Variants in RBM25 observed in about 807,000 individuals in gnomAD.
The protein encoded by RBM25 is RNA-binding protein 25.
RBM25 carries 19 observed loss-of-function variants against 120.7 expected under a neutral mutation model. The ratio of observed to expected loss-of-function variants is 0.16; its 90% CI spans 0.11 to 0.23. The LOEUF is 0.23. Among genes scored for constraint, RBM25 ranks in the 10% least tolerant of loss-of-function variants. The pLI is 1.00. For synonymous variants in RBM25, 390 were observed against 326.7 expected, an observed-to-expected ratio of 1.19 and a Z score of -2.09; for missense variants, 605 against 1,041.5, an observed-to-expected ratio of 0.58 and a Z score of 5.77.
chr14:73,080,103 C>T (rs1010186383), intron 4 of RBM25, among the ~76,000 whole-genome samples: 1 of 149,850 alleles, frequency 6.7e-6, no homozygotes, highest in African/African-American at 2.4e-5. Context: ...ATAGAAGTGC[C>T]GTTTCTGAGT....
At chr14:73,092,051 A>G (rs1341889823) in intron 6 of RBM25, among the ~76,000 whole-genome samples, 2 of 152,142 alleles carry the variant, frequency 1.3e-5, no homozygotes, top group Non-Finnish European at 2.9e-5. Flanking sequence ...TAGGATAAAC[A>G]TGGCATATTT....
At chr14:73,111,468 G>C in intron 15 of RBM25, 60 bp from the exon 16 acceptor site, 1 of 1,488,686 alleles carries the variant, frequency 6.7e-7, no homozygotes, top group Middle Eastern at 1.8e-4. Context: ...GGGATGGTGG[G>C]TTATAAAATG....
intron 7 of RBM25, 45 bp downstream of exon 7, chr14:73,097,145 TATG>T (rs1301273991): frequency 3.5e-6 from 5 of 1,443,142 alleles, no homozygotes; most frequent in Non-Finnish European, 4.7e-6. Flanking sequence ...GTTTGTTTTT[TATG>T]ATATCACTCT....
Position 73,105,928 on chromosome 14 carries a change from ACGAGAACGGGAG to A in RBM25, c.1230_1241del (p.Arg423_Glu426del), listed in dbSNP as rs1246885977. On this transcript the variant is annotated inframe_deletion, in exon 11 of 19. Transcript: ENST00000261973. Reference sequence around the variant, plus strand: ...AGAGAGAGAGAGAACGAGAGCGAGAACGAGAACGGGAGCGAGAGAGAGAGCGAGAGAGGGAAC... The same window carrying A: ...AGAGAGAGAGAGAACGAGAGCGAGAACGAGAGAGAGAGCGAGAGAGGGAAC... The A allele has an allele frequency of 6.2e-7, 1 of 1,612,390 alleles. No individual in the cohort carries two copies. Among genetic ancestry groups the A allele is most frequent in the South Asian group, 1.1e-5 (1 of 90,856 alleles).
intron 10 of RBM25, among the ~76,000 whole-genome samples, chr14:73,105,038 TACAC>T (rs57281649): frequency 0.13 from 18,673 of 141,164 alleles, 1,744 homozygotes; most frequent in East Asian, 0.41. Flanking sequence ...ACATATTAAA[TACAC>T]ACACACACAC....
chr14:73,067,354 A>G (rs904029487), intron 1 of RBM25, among the ~76,000 whole-genome samples: 3 of 152,170 alleles, frequency 2.0e-5, no homozygotes, highest in Admixed American at 6.5e-5. Context: ...AGTGGAGCCA[A>G]CTGTTAATGT....
At chr14:73,107,271 G>A (rs904139352) in intron 12 of RBM25, 4 of 152,588 alleles carry the variant, frequency 2.6e-5, no homozygotes, top group African/African-American at 7.2e-5. Flanking sequence ...TTACAGATGC[G>A]TCCTCATTCA....
chr14:73,059,140 T>A (rs1894938292), intron 1 of RBM25: 1 of 152,190 alleles, frequency 6.6e-6, no homozygotes, highest in Non-Finnish European at 1.5e-5. Flanking sequence ...AGCCGTTGCC[T>A]TGAAGTTAGC....
intron 6 of RBM25, among the ~76,000 whole-genome samples, chr14:73,095,848 C>G (rs751883628): frequency 6.6e-6 from 1 of 152,052 alleles, no homozygotes; most frequent in Admixed American, 6.6e-5. Flanking sequence ...AAAATGTGCA[C>G]GGTATATGTT....
At chr14:73,062,319 T>C (rs1024299508) in intron 1 of RBM25, among the ~76,000 whole-genome samples, 1 of 151,452 alleles carries the variant, frequency 6.6e-6, no homozygotes, top group Non-Finnish European at 1.5e-5. Context: ...CTTTTTTTTT[T>C]CTAGGAATAA....
At chr14:73,107,062 A>G (rs1382089483) in intron 12 of RBM25, among the ~76,000 whole-genome samples, 1 of 152,122 alleles carries the variant, frequency 6.6e-6, no homozygotes, top group Admixed American at 6.5e-5. Flanking sequence ...GATGGTCTCA[A>G]ACTCCTGTCC....
At chr14:73,093,610 G>A (rs750203875) in intron 6 of RBM25, among the ~76,000 whole-genome samples, 3 of 151,336 alleles carry the variant, frequency 2.0e-5, no homozygotes, top group Non-Finnish European at 3.0e-5. Context: ...GGGTTCAAGC[G>A]ATTCTCCTGC....
Position 73,088,178 on chromosome 14 carries a change from G to A in RBM25, c.543+17G>A, listed in dbSNP as rs756722100. ...TCTAATGGGGTATGTTTTCTGTCGT[G>A]TTATCTTTTCTAGGCCAGACTGTGC... On this transcript the variant is annotated intron_variant, in intron 6 of 18. Coordinates refer to ENST00000261973, the MANE Select transcript of RBM25 (RefSeq NM_021239.3). The A allele has an allele frequency of 1.9e-6, 3 of 1,613,382 alleles. No homozygotes were observed. The highest frequency in any genetic ancestry group is 2.5e-6 in the Non-Finnish European group (3 of 1,179,756).
At chr14:73,103,936 TCTCTCTCTCTCTCA>T (rs1320876031) in intron 10 of RBM25, among the ~76,000 whole-genome samples, 62 of 50,444 alleles carry the variant, frequency 1.2e-3, no homozygotes, top group East Asian at 2.6e-3. Context: ...TCTCTCTCTC[TCTCTCTCTCTCTCA>T]CACACACACA....
At chr14:73,099,468 G>A in intron 8 of RBM25, 35 bp downstream of exon 8, 3 of 1,598,590 alleles carry the variant, frequency 1.9e-6, no homozygotes, top group Non-Finnish European at 2.6e-6. Context: ...CAATACCTGT[G>A]TTTACTGCTG....
At chr14:73,114,092 A>G (rs546525662) in intron 17 of RBM25, among the ~76,000 whole-genome samples, 194 bp from the exon 18 acceptor site, 3 of 151,374 alleles carry the variant, frequency 2.0e-5, no homozygotes, top group Admixed American at 1.3e-4. Flanking sequence ...ACAGACCACT[A>G]TGGAGATTAA....
chr14:73,119,649 C>T (rs1896505941), intron 18 of RBM25, 64 bp from the exon 19 acceptor site: 2 of 1,594,500 alleles, frequency 1.3e-6, no homozygotes, highest in East Asian at 4.5e-5. Context: ...ATACTGGCCA[C>T]TGTTTTTGGC....
intron 1 of RBM25, among the ~76,000 whole-genome samples, chr14:73,066,927 T>G (rs1181923620): frequency 6.6e-6 from 1 of 152,104 alleles, no homozygotes; most frequent in East Asian, 1.9e-4. Context: ...ACTTATGAAA[T>G]TGTGAGAATT....
chr14:73,116,564 A>T (rs1896431943), intron 18 of RBM25, among the ~76,000 whole-genome samples: 1 of 152,198 alleles, frequency 6.6e-6, no homozygotes, highest in Non-Finnish European at 1.5e-5. Flanking sequence ...AGAGGAAAGG[A>T]GAAATGTGAA....
Sources: gnomAD v4.1 joint callset for allele counts (sites outside exome capture counted in the v4.1 genomes callset) on GRCh38, gnomAD v4.1.1 for gene constraint, MANE v1.5 for transcripts, NCBI Gene and HGNC (gene_info 2026-07-23, HGNC 2026-07-21) for gene names.